Variants in CMC4 observed in about 807,000 individuals in gnomAD.
CMC4 encodes cx9C motif-containing protein 4.
Under a neutral mutation model 5.1 loss-of-function variants are expected in CMC4, and 4 were observed. The ratio of observed to expected loss-of-function variants is 0.78; its 90% CI spans 0.38 to 1.78. CMC4 has a LOEUF of 1.78. Among genes scored for constraint, CMC4 ranks in the 40% most tolerant of loss-of-function variants. The pLI is 0.04. For missense variants in CMC4, 52 were observed against 51.3 expected (o/e 1.01, Z -0.04); for synonymous variants, 23 against 18.9 (o/e 1.22, Z -0.57).
intron 2 of CMC4, among the ~76,000 whole-genome samples, chrX:155,063,708 C>T (rs890648056): frequency 5.4e-5 from 6 of 111,582 alleles, no homozygotes; most frequent in Non-Finnish European, 1.1e-4. Flanking sequence ...TAGCCCTAGC[C>T]CTAGGAAGTC....
intron 1 of CMC4, chrX:155,066,021 G>GGCCA: frequency 8.4e-7 from 1 of 1,186,867 alleles, no homozygotes; most frequent in Non-Finnish European, 1.1e-6. Context: ...TCTGGGCTTT[G>GGCCA]GGTTCCAATT....
rs782346785 is a variant in CMC4 at position 155,064,007 on chromosome X, G to A, written c.17C>T (p.Pro6Leu). MPQKD[P>L]CQKQACEIQK... ...TATCTCACAGGCTTGCTTCTGGCAC[G>A]GATCCTTCTGCGGCATATCCAGAAA... Residue 6 changes from proline to leucine, a missense_variant, in exon 2 of 3, where the codon CCG becomes CTG. By Grantham distance (98) the Pro-to-Leu change is moderately conservative (BLOSUM62 -3). Transcript: ENST00000369484. 13 of 1,191,586 alleles carry A rather than the reference G, an allele frequency of 1.1e-5. No homozygotes were observed. The highest frequency in any genetic ancestry group is 3.0e-5 in the East Asian group (1 of 33,357).
chrX:155,061,824 G>C lies in CMC4; in HGVS notation c.*19C>G, dbSNP rs1207488826. ...AAAATTCATTTGGTGGAAACATGGAGCAGCACTTCAGAAGAACTTTACTTT... is the reference window on the plus strand; with the variant it reads ...AAAATTCATTTGGTGGAAACATGGACCAGCACTTCAGAAGAACTTTACTTT... On this transcript the variant is annotated 3_prime_UTR_variant, in exon 3 of 3. Transcript: ENST00000369484. The C allele has an allele frequency of 8.3e-7, 1 of 1,204,141 alleles. No homozygotes were observed. Among genetic ancestry groups the C allele is most frequent in the Non-Finnish European group, 1.1e-6 (1 of 891,907 alleles).
At chrX:155,062,755 C>T (rs1413820546) in intron 2 of CMC4, among the ~76,000 whole-genome samples, 1 of 111,457 alleles carries the variant, frequency 9.0e-6, no homozygotes, top group African/African-American at 3.3e-5. Context: ...TGGAGCTAGA[C>T]CAAGGGCGGG....
intron 1 of CMC4, among the ~76,000 whole-genome samples, chrX:155,067,252 T>C (rs1458861100): frequency 8.9e-6 from 1 of 112,002 alleles, no homozygotes; most frequent in African/African-American, 3.2e-5. Context: ...AGCTCCTGTC[T>C]TAGTTTTCAT....
chrX:155,063,958 T>C lies in CMC4; in HGVS notation c.58+8A>G, dbSNP rs781834341. 21 of 1,177,367 alleles carry C rather than the reference T, an allele frequency of 1.8e-5. No homozygotes were observed. Among genetic ancestry groups the C allele is most frequent in the Non-Finnish European group, 2.3e-5 (20 of 878,613 alleles). On this transcript the variant is annotated splice_region_variant and intron_variant, in intron 2 of 2. Transcript: ENST00000369484. ...AAAATATTTTTAAAGCATTTTACAA[T>C]ATACTACCTTGTAAACATTTCTGTA...
chrX:155,069,609 C>T (rs2073962244), intron 1 of CMC4, among the ~76,000 whole-genome samples: 1 of 112,022 alleles, frequency 8.9e-6, no homozygotes. Flanking sequence ...CAAGGTCACA[C>T]AGTGGGGAAG....
chrX:155,070,409 T>A (rs931063830), intron 1 of CMC4, among the ~76,000 whole-genome samples: 14 of 112,208 alleles, frequency 1.2e-4, no homozygotes, highest in African/African-American at 3.9e-4. Context: ...GGAAGATCTG[T>A]ACTTTTATCC....
rs1557291809 is a variant in CMC4, at chrX:155,063,971, A to ATCT, written c.52_53insAGA (p.Leu18delinsTer). ...AGCATTTTACAATATACTACCTTGT[A>ATCT]AACATTTCTGTATCTCACAGGCTTG... is the stretch of plus-strand genomic sequence containing the variant. On this transcript the variant is annotated stop_gained, in exon 2 of 3. Coordinates refer to ENST00000369484, the MANE Select transcript of CMC4 (RefSeq NM_001018024.3). LOFTEE classifies it high-confidence loss of function. The ATCT allele has an allele frequency of 1.6e-5, 19 of 1,193,122 alleles. No individual in the cohort carries two copies. The highest frequency in any genetic ancestry group is 2.0e-5 in the Non-Finnish European group (18 of 889,136).
Position 155,061,820 on chromosome X carries a change from T to A in CMC4, c.*23A>T. 1 of 1,202,245 alleles carries A rather than the reference T, an allele frequency of 8.3e-7. No homozygotes were observed. On this transcript the variant is annotated 3_prime_UTR_variant, in exon 3 of 3. Transcript: ENST00000369484. The stretch of plus-strand genomic sequence containing the variant: ...AAAAAAAATTCATTTGGTGGAAACA[T>A]GGAGCAGCACTTCAGAAGAACTTTA...
chrX:155,064,043 GAAAAATGAT>G lies in CMC4; in HGVS notation c.-10-19_-10-11del. 8.5e-7 allele frequency: 1 copy of G among 1,171,214 alleles called. No individual in the cohort carries two copies. The highest frequency in any genetic ancestry group is 3.0e-5 in the East Asian group (1 of 33,210). On this transcript the variant is annotated splice_polypyrimidine_tract_variant and intron_variant, in intron 1 of 2. Transcript: ENST00000369484. ...CGGCATATCCAGAAAACTAAAACAAGAAAAATGATTTTTATTTTTCTTTTTTCCATAAAG... is the reference window on the plus strand; with the variant it reads ...CGGCATATCCAGAAAACTAAAACAAGTTTTATTTTTCTTTTTTCCATAAAG...
intron 1 of CMC4, among the ~76,000 whole-genome samples, chrX:155,066,991 G>C (rs1475920793): frequency 8.9e-6 from 1 of 112,175 alleles, no homozygotes. Flanking sequence ...TGTGCATTTT[G>C]CATGAGTCAA....
At position 155,063,960 on chromosome X, in the gene CMC4, T is replaced by C; in HGVS notation, c.58+6A>G. 1 of 1,187,650 alleles carries C rather than the reference T, an allele frequency of 8.4e-7. No individual in the cohort carries two copies. Among genetic ancestry groups the C allele is most frequent in the Non-Finnish European group, 1.1e-6 (1 of 884,682 alleles). On this transcript the variant is annotated splice_donor_region_variant and intron_variant, in intron 2 of 2. Coordinates refer to ENST00000369484, the MANE Select transcript of CMC4 (RefSeq NM_001018024.3). Reference sequence around the variant, plus strand: ...AATATTTTTAAAGCATTTTACAATATACTACCTTGTAAACATTTCTGTATC... The same window carrying C: ...AATATTTTTAAAGCATTTTACAATACACTACCTTGTAAACATTTCTGTATC...
intron 1 of CMC4, among the ~76,000 whole-genome samples, chrX:155,067,139 G>C (rs1323062073): frequency 8.9e-6 from 1 of 111,784 alleles, no homozygotes; most frequent in Non-Finnish European, 1.9e-5. Context: ...AAGAAATGCA[G>C]CGTGGGAGGG....
chrX:155,066,932 T>G (rs1227948961), intron 1 of CMC4, among the ~76,000 whole-genome samples: 1 of 112,003 alleles, frequency 8.9e-6, no homozygotes, highest in Non-Finnish European at 1.9e-5. Flanking sequence ...TCTATAACGA[T>G]CCTCTGCCCA....
chrX:155,063,031 T>C (rs1331434309), intron 2 of CMC4, among the ~76,000 whole-genome samples: 1 of 102,494 alleles, frequency 9.8e-6, no homozygotes, highest in Non-Finnish European at 1.9e-5. Flanking sequence ...CTATGGGTTA[T>C]TTCAAACAAG....
At chrX:155,067,811 T>C (rs782503897) in intron 1 of CMC4, among the ~76,000 whole-genome samples, 1 of 112,121 alleles carries the variant, frequency 8.9e-6, no homozygotes, top group East Asian at 2.8e-4. Flanking sequence ...GGTGTATATG[T>C]ATGGTGGGTA....
chrX:155,064,096 G>T (rs782254549), intron 1 of CMC4, 63 bp from the exon 2 acceptor site: 2 of 942,654 alleles, frequency 2.1e-6, no homozygotes, highest in Non-Finnish European at 2.9e-6. Flanking sequence ...GCCCCTCTAC[G>T]TGGAATTTTC....
rs781882014 is a variant in CMC4 at position 155,061,863 on chromosome X, G to A, written c.187C>T (p.Arg63Trp). 2.1e-5 allele frequency: 25 copies of A among 1,208,972 alleles called. No individual in the cohort carries two copies. Among genetic ancestry groups the A allele is most frequent in the East Asian group, 1.2e-4 (4 of 33,654 alleles). Residue 63 changes from arginine (R) to tryptophan (W), a missense_variant, in exon 3 of 3, where the codon CGG becomes TGG. By Grantham distance (101) the Arg-to-Trp change is moderately radical. Transcript: ENST00000369484. ...GAACTTTACTTTGATGCAGACTTCC[G>A]TGTTAGGTTTTCTTCCTCTTCTTTT... ...FEKEEEENLT[R>W]KSASK is the part of the protein sequence containing the mutation.
Sources: allele counts gnomAD v4.1 joint callset (sites outside exome capture counted in the v4.1 genomes callset), GRCh38; gene constraint gnomAD v4.1.1; transcripts MANE v1.5; gene names NCBI Gene and HGNC (gene_info 2026-07-23, HGNC 2026-07-21).